Variants in NOL4L observed in about 807,000 individuals in gnomAD.
The protein encoded by NOL4L is nucleolar protein 4-like.
Under a neutral mutation model 64.5 loss-of-function variants are expected in NOL4L, and 7 were observed. That is an observed-to-expected ratio of 0.11 (90% CI 0.06 to 0.20). NOL4L has a LOEUF of 0.20. Ranked by LOEUF, NOL4L falls within the 10% of genes least tolerant of loss-of-function variation. The pLI, the probability that NOL4L is intolerant of heterozygous loss-of-function variation, is 1.00. For synonymous variants in NOL4L, 413 were observed against 401.0 expected (o/e 1.03, Z -0.36); for missense variants, 680 against 967.1 (o/e 0.70, Z 3.94).
At chr20:32,483,447 G>C (rs2145499710) in intron 4 of NOL4L, 1 of 990,958 alleles carries the variant, frequency 1.0e-6, no homozygotes, top group East Asian at 1.1e-4. Context: ...AGCTCCAGCT[G>C]CTGCTGCTGC....
At chr20:32,481,964 C>CT (rs776260549) in intron 4 of NOL4L, among the ~76,000 whole-genome samples, 1 of 27,946 alleles carries the variant, frequency 3.6e-5, no homozygotes, top group Non-Finnish European at 7.5e-5. Context: ...TGGGGCGGGG[C>CT]GGGGGGGGGG....
Position 32,456,124 on chromosome 20 carries a change from G to T in NOL4L, c.1113C>A (p.Thr371=). ...AGCCCCCAGCCCCACACACCTCGGG[G>T]GTGGTCTTCACCCCGTATTTGACGC... ...RSRVKYGVKT[T]PESPPYSSGS... The change falls in exon 6 of 11, where the codon ACC becomes ACA. Residue 371 remains threonine, a synonymous_variant. Coordinates refer to ENST00000621426, the MANE Select transcript of NOL4L (RefSeq NM_001256798.2). 6.5e-7 allele frequency: 1 copy of T among 1,530,022 alleles called. No individual in the cohort carries two copies. Among genetic ancestry groups the T allele is most frequent in the African/African-American group, 1.4e-5 (1 of 72,310 alleles). 94.8% of individuals were successfully genotyped at this position (1,530,022 alleles called of 1,614,324 possible). A position where few individuals can be genotyped will look rare whatever the true frequency, so the allele number is the denominator to read the frequency against.
intron 4 of NOL4L, among the ~76,000 whole-genome samples, chr20:32,491,008 C>T (rs898104745): frequency 2.0e-5 from 3 of 152,184 alleles, no homozygotes; most frequent in African/African-American, 7.2e-5. Flanking sequence ...TGCCTTTGAC[C>T]ACACATGTTT....
intron 4 of NOL4L, among the ~76,000 whole-genome samples, chr20:32,493,589 G>GCCTA (rs1568654345): frequency 6.6e-6 from 1 of 152,182 alleles, no homozygotes; most frequent in Non-Finnish European, 1.5e-5. Context: ...TTGCAGTGAG[G>GCCTA]CCTAAATGCA....
At chr20:32,560,899 G>A (rs1978970456) in intron 1 of NOL4L, among the ~76,000 whole-genome samples, 1 of 152,260 alleles carries the variant, frequency 6.6e-6, no homozygotes, top group South Asian at 2.1e-4. Context: ...AGAACACTGG[G>A]CATTCTCACG....
chr20:32,452,590 C>T (rs1345348932), intron 9 of NOL4L, among the ~76,000 whole-genome samples, 153 bp from the exon 10 acceptor site: 1 of 152,218 alleles, frequency 6.6e-6, no homozygotes, highest in Non-Finnish European at 1.5e-5. Context: ...TCCCCTCCCC[C>T]AGCCACCTTC....
At chr20:32,565,671 G>A (rs532194355) in intron 1 of NOL4L, among the ~76,000 whole-genome samples, 2 of 152,232 alleles carry the variant, frequency 1.3e-5, no homozygotes, top group East Asian at 3.9e-4. Context: ...CTTCCTCATG[G>A]GGTTCTTAGA....
chr20:32,518,726 C>G (rs569715796), intron 3 of NOL4L, among the ~76,000 whole-genome samples: 1 of 152,356 alleles, frequency 6.6e-6, no homozygotes, highest in Non-Finnish European at 1.5e-5. Flanking sequence ...GGGCAGGAAC[C>G]AGGCAGTCAC....
chr20:32,475,004 A>T (rs765874032), intron 4 of NOL4L: 30 of 985,222 alleles, frequency 3.0e-5, no homozygotes, highest in Non-Finnish European at 3.5e-5. Context: ...CGCATCCTGC[A>T]GGGGCGGATG....
intron 3 of NOL4L, among the ~76,000 whole-genome samples, chr20:32,520,531 G>A (rs926280405): frequency 6.6e-6 from 1 of 152,196 alleles, no homozygotes; most frequent in Non-Finnish European, 1.5e-5. Context: ...GAATCCGGCT[G>A]GGAGGAAAGG....
chr20:32,506,454 G>A (rs1312475031), intron 4 of NOL4L, among the ~76,000 whole-genome samples: 1 of 152,032 alleles, frequency 6.6e-6, no homozygotes, highest in African/African-American at 2.4e-5. Context: ...CTGAGGTCAG[G>A]AGTTCAAGAC....
chr20:32,495,803 A>G (rs943738371), intron 4 of NOL4L, among the ~76,000 whole-genome samples: 8 of 152,066 alleles, frequency 5.3e-5, no homozygotes, highest in Admixed American at 1.3e-4. Context: ...CAAAAAATAC[A>G]AACATTAGCT....
chr20:32,523,167 G>A (rs1057004746), intron 2 of NOL4L, among the ~76,000 whole-genome samples: 3 of 152,166 alleles, frequency 2.0e-5, no homozygotes, highest in Admixed American at 6.5e-5. Context: ...AGGGAGGGGA[G>A]TGCTGAGCAC....
At chr20:32,448,119 G>A (rs1171411890) in intron 10 of NOL4L, among the ~76,000 whole-genome samples, 1 of 152,204 alleles carries the variant, frequency 6.6e-6, no homozygotes, top group Non-Finnish European at 1.5e-5. Context: ...GTGGTGAGCA[G>A]AGCTTGGGAA....
intron 10 of NOL4L, among the ~76,000 whole-genome samples, chr20:32,449,542 T>C (rs2012659801): frequency 6.6e-6 from 1 of 152,234 alleles, no homozygotes; most frequent in Non-Finnish European, 1.5e-5. Flanking sequence ...CCAGAGAATG[T>C]GGACACCAAG....
At chr20:32,554,560 T>C (rs571776575) in intron 1 of NOL4L, among the ~76,000 whole-genome samples, 11 of 152,166 alleles carry the variant, frequency 7.2e-5, no homozygotes, top group South Asian at 2.1e-4. Flanking sequence ...CCAAATATCA[T>C]AGGAGGCTCA....
chr20:32,541,022 C>CACACACACACAA (rs1443021359), intron 1 of NOL4L, among the ~76,000 whole-genome samples: 2 of 145,730 alleles, frequency 1.4e-5, no homozygotes, highest in African/African-American at 4.9e-5. Context: ...CACACACACA[C>CACACACACACAA]ACACACACAC....
chr20:32,558,966 T>C (rs1978834951), intron 1 of NOL4L, among the ~76,000 whole-genome samples: 1 of 152,090 alleles, frequency 6.6e-6, no homozygotes, highest in African/African-American at 2.4e-5. Context: ...CGATTGCAGA[T>C]GGAAAAAGTA....
At chr20:32,524,649 T>G (rs560938331) in intron 2 of NOL4L, among the ~76,000 whole-genome samples, 19 of 152,274 alleles carry the variant, frequency 1.2e-4, no homozygotes, top group African/African-American at 4.3e-4. Context: ...AGGAGCTTGA[T>G]GCGTACCCCG....
Sources: gnomAD v4.1 joint callset for allele counts (sites outside exome capture counted in the v4.1 genomes callset) on GRCh38, gnomAD v4.1.1 for gene constraint, MANE v1.5 for transcripts, NCBI Gene and HGNC (gene_info 2026-07-23, HGNC 2026-07-21) for gene names.